The following EVA1C variants were observed in gnomAD, a reference collection of about 807,000 sequenced individuals.
EVA1C encodes eva-1 homolog C, also known as protein eva-1 homolog C.
In EVA1C, 25 loss-of-function variants were observed where a neutral mutation model predicts 45.4. The observed-to-expected ratio is 0.55, with a 90% confidence interval of 0.40 to 0.77. The LOEUF (loss-of-function observed/expected upper bound fraction) is 0.77. EVA1C is among the 30% of genes least tolerant of loss of function. EVA1C has a pLI of 0.00. For synonymous variants in EVA1C, 190 were observed against 221.2 expected, an observed-to-expected ratio of 0.86 and a Z score of 1.25; for missense variants, 479 against 554.8, an observed-to-expected ratio of 0.86 and a Z score of 1.37.
chr21:32,499,823 T>G (rs1474065357), intron 5 of EVA1C, among the ~76,000 whole-genome samples: 2 of 152,204 alleles, frequency 1.3e-5, no homozygotes, highest in Admixed American at 1.3e-4. Context: ...GCCTGCAGAA[T>G]TCTTGCTCTG....
intron 7 of EVA1C, among the ~76,000 whole-genome samples, chr21:32,510,707 A>G (rs556764220): frequency 6.6e-6 from 1 of 152,334 alleles, no homozygotes; most frequent in East Asian, 1.9e-4. Context: ...GTTGAAAGAC[A>G]TCTTAATGAA....
At chr21:32,511,825 G>A (rs574385737) in intron 7 of EVA1C, among the ~76,000 whole-genome samples, 2 of 152,206 alleles carry the variant, frequency 1.3e-5, no homozygotes, top group South Asian at 2.1e-4. Context: ...ACGCTTGCAG[G>A]TGTTGACCAG....
At chr21:32,453,908 A>G (rs2035683223) in intron 2 of EVA1C, among the ~76,000 whole-genome samples, 1 of 152,214 alleles carries the variant, frequency 6.6e-6, no homozygotes, top group African/African-American at 2.4e-5. Flanking sequence ...TGAGGCAGAC[A>G]TCTGAAGTCA....
intron 1 of EVA1C, among the ~76,000 whole-genome samples, chr21:32,430,101 G>C (rs1485384703): frequency 6.6e-6 from 1 of 152,146 alleles, no homozygotes; most frequent in African/African-American, 2.4e-5. Flanking sequence ...GTGGAGCTTG[G>C]GGCCTTGTTT....
intron 4 of EVA1C, among the ~76,000 whole-genome samples, chr21:32,487,994 T>TG (rs2037030326): frequency 6.6e-6 from 1 of 152,158 alleles, no homozygotes; most frequent in East Asian, 1.9e-4. Context: ...GGGGTAGTCT[T>TG]GTGGGACTGG....
intron 1 of EVA1C, among the ~76,000 whole-genome samples, chr21:32,424,103 G>A (rs1568861873): frequency 6.6e-6 from 1 of 152,128 alleles, no homozygotes; most frequent in Non-Finnish European, 1.5e-5. Flanking sequence ...AATCCTTTTT[G>A]TCTGCAAAGG....
intron 4 of EVA1C, among the ~76,000 whole-genome samples, chr21:32,484,543 CAA>C (rs1328368423): frequency 3.1e-5 from 4 of 128,826 alleles, no homozygotes; most frequent in Non-Finnish European, 1.7e-5. Flanking sequence ...GACTCCATCT[CAA>C]AAAAAAAAAA....
At chr21:32,428,966 T>A (rs1461008225) in intron 1 of EVA1C, among the ~76,000 whole-genome samples, 2 of 152,194 alleles carry the variant, frequency 1.3e-5, no homozygotes, top group Non-Finnish European at 2.9e-5. Flanking sequence ...GCATTCAGGG[T>A]CCAAGGCTGA....
intron 1 of EVA1C, among the ~76,000 whole-genome samples, chr21:32,432,703 C>A (rs1168971480): frequency 6.6e-6 from 1 of 152,048 alleles, no homozygotes; most frequent in African/African-American, 2.4e-5. Flanking sequence ...GCCCCCTTGG[C>A]AGGTGCTTCA....
At chr21:32,458,956 G>A (rs2035894242) in intron 3 of EVA1C, among the ~76,000 whole-genome samples, 1 of 151,960 alleles carries the variant, frequency 6.6e-6, no homozygotes, top group African/African-American at 2.4e-5. Context: ...TACACATGTG[G>A]GGAGAAACCC....
chr21:32,514,364 T>C (rs1435521674), intron 7 of EVA1C, among the ~76,000 whole-genome samples: 4 of 152,252 alleles, frequency 2.6e-5, no homozygotes, highest in Admixed American at 6.5e-5. Flanking sequence ...CAGCACTTTA[T>C]TGAGCATTTA....
rs1321084316 is a variant in EVA1C at position 32,470,924 on chromosome 21, G to A, written c.634+3076G>A. On this transcript the variant is annotated intron_variant, in intron 4 of 7. Coordinates refer to ENST00000300255, the MANE Select transcript of EVA1C (RefSeq NM_058187.5). ...CAGGCGCCCGCCACCATGCCTGGCTGATTTTTGTATTTTTAGTAGAGACGG... is the reference window on the plus strand; with the variant it reads ...CAGGCGCCCGCCACCATGCCTGGCTAATTTTTGTATTTTTAGTAGAGACGG... 1.4e-3 allele frequency among the ~76,000 whole-genome samples: 211 copies of A among 151,106 alleles called. 2 individuals are homozygous for A. The highest frequency in any genetic ancestry group is 2.3e-3 in the Non-Finnish European group (157 of 67,398).
At chr21:32,451,612 T>C (rs2035582824) in intron 1 of EVA1C, among the ~76,000 whole-genome samples, 1 of 152,198 alleles carries the variant, frequency 6.6e-6, no homozygotes, top group Non-Finnish European at 1.5e-5. Context: ...CTCACAGTTC[T>C]GGAGGCCACA....
intron 7 of EVA1C, among the ~76,000 whole-genome samples, chr21:32,514,315 A>G (rs1201437874): frequency 6.6e-6 from 1 of 152,238 alleles, no homozygotes; most frequent in Non-Finnish European, 1.5e-5. Flanking sequence ...TTCGTACATA[A>G]GTTAATTCTT....
intron 3 of EVA1C, among the ~76,000 whole-genome samples, chr21:32,458,767 C>T (rs1255398588): frequency 6.6e-6 from 1 of 152,186 alleles, no homozygotes; most frequent in Non-Finnish European, 1.5e-5. Context: ...AGGCATGAGC[C>T]ACCACGCCTG....
chr21:32,496,483 A>G (rs913092293), intron 5 of EVA1C, among the ~76,000 whole-genome samples: 21 of 152,184 alleles, frequency 1.4e-4, no homozygotes, highest in African/African-American at 4.8e-4. Context: ...ACCCACTCTT[A>G]CATCACAGGA....
intron 4 of EVA1C, among the ~76,000 whole-genome samples, chr21:32,483,600 C>T (rs1313925891): frequency 1.3e-5 from 2 of 152,178 alleles, no homozygotes; most frequent in East Asian, 3.9e-4. Context: ...ATGGCAGCTT[C>T]ACTGCTTCCT....
chr21:32,434,750 A>G (rs1224413522), intron 1 of EVA1C, among the ~76,000 whole-genome samples: 1 of 152,280 alleles, frequency 6.6e-6, no homozygotes, highest in African/African-American at 2.4e-5. Context: ...AGCTGGAGGA[A>G]GCTGGGAGGG....
intron 1 of EVA1C, among the ~76,000 whole-genome samples, chr21:32,433,916 TGGGAGGCTGAGGC>T (rs1405470659): frequency 6.6e-6 from 1 of 152,238 alleles, no homozygotes; most frequent in East Asian, 1.9e-4. Context: ...CCTAGCACTT[TGGGAGGCTGAGGC>T]GGGAGGATCA....
Sources: gnomAD v4.1 joint callset for allele counts (sites outside exome capture counted in the v4.1 genomes callset) on GRCh38, gnomAD v4.1.1 for gene constraint, MANE v1.5 for transcripts, NCBI Gene and HGNC (gene_info 2026-07-23, HGNC 2026-07-21) for gene names.